The following ARHGEF38 variants were observed in gnomAD, a reference collection of about 807,000 sequenced individuals.
The protein encoded by ARHGEF38 is Rho guanine nucleotide exchange factor (GEF) 38.
ARHGEF38 carries 79 observed loss-of-function variants against 79.9 expected under a neutral mutation model. The ratio of observed to expected loss-of-function variants is 0.99; its 90% CI spans 0.82 to 1.19. The LOEUF is 1.19. ARHGEF38 is among the 50% of genes most tolerant of loss of function. ARHGEF38 has a pLI of 0.00. For missense variants in ARHGEF38, 962 were observed against 907.2 expected, an observed-to-expected ratio of 1.06 and a Z score of -0.78; for synonymous variants, 366 against 328.3, an observed-to-expected ratio of 1.11 and a Z score of -1.24.
At chr4:105,622,002 A>G (rs952920792) in intron 3 of ARHGEF38, among the ~76,000 whole-genome samples, 1 of 152,192 alleles carries the variant, frequency 6.6e-6, no homozygotes, top group African/African-American at 2.4e-5. Context: ...CTCACAAGAA[A>G]GAAAAAATCA....
At chr4:105,650,875 G>A (rs2110549967) in intron 7 of ARHGEF38, among the ~76,000 whole-genome samples, 1 of 152,246 alleles carries the variant, frequency 6.6e-6, no homozygotes, top group South Asian at 2.1e-4. Context: ...GGACATTTAT[G>A]GGATATACTC....
chr4:105,584,903 G>A (rs2110447048), intron 1 of ARHGEF38, among the ~76,000 whole-genome samples: 1 of 152,262 alleles, frequency 6.6e-6, no homozygotes, highest in African/African-American at 2.4e-5. Flanking sequence ...TTTGGGTGCT[G>A]TTGCACTTCT....
At chr4:105,586,185 T>G (rs990167494) in intron 1 of ARHGEF38, among the ~76,000 whole-genome samples, 16 of 148,262 alleles carry the variant, frequency 1.1e-4, no homozygotes, top group Admixed American at 3.4e-4. Flanking sequence ...AGAAAGATCT[T>G]ACAAAAACAA....
intron 3 of ARHGEF38, among the ~76,000 whole-genome samples, chr4:105,624,731 C>T (rs377042188): frequency 9.3e-4 from 142 of 152,326 alleles, no homozygotes; most frequent in Middle Eastern, 3.4e-3. Flanking sequence ...TTTGGGCTGG[C>T]GAATCTACTG....
At chr4:105,589,185 T>C in intron 1 of ARHGEF38, 63 bp from the exon 2 acceptor site, 1 of 1,395,656 alleles carries the variant, frequency 7.2e-7, no homozygotes, top group Non-Finnish European at 9.8e-7. Context: ...AAGGCGTTGT[T>C]TGTAATGAAG....
chr4:105,553,073 T>C, intron 1 of ARHGEF38, 112 bp downstream of exon 1: 1 of 747,394 alleles, frequency 1.3e-6, no homozygotes, highest in Non-Finnish European at 2.1e-6. Context: ...GAATACCACC[T>C]CTCCTTCCCA....
intron 3 of ARHGEF38, among the ~76,000 whole-genome samples, chr4:105,630,156 G>A (rs949488963): frequency 6.6e-6 from 1 of 151,670 alleles, no homozygotes; most frequent in African/African-American, 2.4e-5. Flanking sequence ...GTGTCATCAG[G>A]TTTAAAGAGT....
chr4:105,584,826 T>C (rs1045771884), intron 1 of ARHGEF38, among the ~76,000 whole-genome samples: 1 of 152,270 alleles, frequency 6.6e-6, no homozygotes, highest in East Asian at 1.9e-4. Flanking sequence ...CAGGATAGGA[T>C]AAATTCTAAG....
rs539961570 is a variant in ARHGEF38 at position 105,582,700 on chromosome 4, A to G, written c.197-6548A>G. Among the ~76,000 whole-genome samples, 152 of 152,294 alleles carry G rather than the reference A, an allele frequency of 1.0e-3. 1 individual carries two copies. Among genetic ancestry groups the G allele is most frequent in the African/African-American group, 3.3e-3 (139 of 41,578 alleles). ...ATGTAATCTCTAATTATTGGAGTAAATATTTTCTGTCCTAACAGTCTATCA... is the reference window on the plus strand; with the variant it reads ...ATGTAATCTCTAATTATTGGAGTAAGTATTTTCTGTCCTAACAGTCTATCA... On this transcript the variant is annotated intron_variant, in intron 1 of 13. Coordinates refer to ENST00000420470, the MANE Select transcript of ARHGEF38 (RefSeq NM_001242729.2).
intron 5 of ARHGEF38, among the ~76,000 whole-genome samples, chr4:105,640,016 C>T (rs1412710760): frequency 1.3e-5 from 2 of 151,994 alleles, no homozygotes; most frequent in Non-Finnish European, 2.9e-5. Flanking sequence ...CTTTAGCTGT[C>T]TATTTTGGTA....
intron 2 of ARHGEF38, among the ~76,000 whole-genome samples, chr4:105,599,570 G>C (rs572710389): frequency 6.6e-6 from 1 of 152,152 alleles, no homozygotes; most frequent in East Asian, 1.9e-4. Context: ...TGTAGAATAA[G>C]CGACAAAATT....
At chr4:105,586,967 G>A (rs1202288794) in intron 1 of ARHGEF38, among the ~76,000 whole-genome samples, 4 of 123,700 alleles carry the variant, frequency 3.2e-5, no homozygotes, top group Non-Finnish European at 4.7e-5. Context: ...TGTACATCTT[G>A]AATATACACA....
At chr4:105,642,660 A>G (rs1182061169) in intron 5 of ARHGEF38, among the ~76,000 whole-genome samples, 1 of 152,224 alleles carries the variant, frequency 6.6e-6, no homozygotes, top group Non-Finnish European at 1.5e-5. Flanking sequence ...AACACAGGAA[A>G]GAGGCAAAGA....
intron 1 of ARHGEF38, among the ~76,000 whole-genome samples, chr4:105,563,717 T>C (rs1725749866): frequency 6.6e-6 from 1 of 152,306 alleles, no homozygotes; most frequent in East Asian, 1.9e-4. Context: ...AGAAATCAAC[T>C]GATTTTAATA....
intron 3 of ARHGEF38, among the ~76,000 whole-genome samples, chr4:105,616,855 A>G (rs1034205153): frequency 6.6e-6 from 1 of 152,226 alleles, no homozygotes. Context: ...TAAGCAAGTG[A>G]TTAAATGCAT....
intron 1 of ARHGEF38, among the ~76,000 whole-genome samples, chr4:105,584,283 C>T (rs1726928176): frequency 5.3e-5 from 8 of 152,056 alleles, no homozygotes; most frequent in Admixed American, 3.9e-4. Context: ...TTTGAGAAGC[C>T]TATACACTAC....
At chr4:105,566,180 T>A (rs1224376203) in intron 1 of ARHGEF38, among the ~76,000 whole-genome samples, 1 of 152,230 alleles carries the variant, frequency 6.6e-6, no homozygotes, top group Non-Finnish European at 1.5e-5. Flanking sequence ...TTTCACAACC[T>A]CTATCACTTG....
At chr4:105,664,222 A>G (rs1302632683) in intron 10 of ARHGEF38, among the ~76,000 whole-genome samples, 1 of 152,136 alleles carries the variant, frequency 6.6e-6, no homozygotes, top group African/African-American at 2.4e-5. Flanking sequence ...CTCTATTTTT[A>G]ATTTTCATTT....
In ARHGEF38 at chr4:105,678,642, A is replaced by T. The variant is rs1286024225; in HGVS notation, c.*705A>T. Reference sequence around the variant, plus strand: ...TAACTTGTTTAATATTCAAAACATTATGAAGAAACCATGGCCCAAAAAGGT... The same window carrying T: ...TAACTTGTTTAATATTCAAAACATTTTGAAGAAACCATGGCCCAAAAAGGT... On this transcript the variant is annotated 3_prime_UTR_variant, in exon 14 of 14. Transcript: ENST00000420470. 7 of 152,226 alleles carry T rather than the reference A, an allele frequency of 4.6e-5. No homozygotes were observed. Among genetic ancestry groups the T allele is most frequent in the Admixed American group, 3.3e-4 (5 of 15,290 alleles). The allele number at this position is 152,226 out of a possible 1,614,324, so 9.4% of individuals were successfully genotyped here.
Sources: allele counts gnomAD v4.1 joint callset (sites outside exome capture counted in the v4.1 genomes callset), GRCh38; gene constraint gnomAD v4.1.1; transcripts MANE v1.5; gene names NCBI Gene and HGNC (gene_info 2026-07-23, HGNC 2026-07-21).